NTM: variants seen among roughly 807,000 people sequenced by gnomAD.
NTM encodes the protein IgLON family member 2.
Under a neutral mutation model 42.1 loss-of-function variants are expected in NTM, and 13 were observed. The observed-to-expected ratio is 0.31, with a 90% CI of 0.20 to 0.49. The LOEUF (loss-of-function observed/expected upper bound fraction) is 0.49, where lower values mean the gene tolerates loss of function less well. Ranked by LOEUF, NTM falls within the 20% of genes least tolerant of loss-of-function variation. The pLI, the probability that NTM is intolerant of heterozygous loss-of-function variation, is 0.99. For missense variants in NTM, 373 were observed against 452.8 expected (o/e 0.82, Z 1.60); for synonymous variants, 187 against 179.2 (o/e 1.04, Z -0.35).
At chr11:132,297,359 G>A (rs562903672) in intron 4 of NTM, among the ~76,000 whole-genome samples, 12 of 152,268 alleles carry the variant, frequency 7.9e-5, no homozygotes, top group African/African-American at 2.6e-4. Flanking sequence ...GAAAGCCTGC[G>A]TTTTGCTCTG....
At chr11:131,721,063 A>C (rs1173380338) in intron 1 of NTM, among the ~76,000 whole-genome samples, 2 of 152,152 alleles carry the variant, frequency 1.3e-5, no homozygotes, top group Non-Finnish European at 2.9e-5. Flanking sequence ...ACATTAAATC[A>C]ATGATTTTAG....
intron 2 of NTM, among the ~76,000 whole-genome samples, chr11:132,059,881 C>G (rs1389337599): frequency 6.6e-6 from 1 of 152,192 alleles, no homozygotes; most frequent in Non-Finnish European, 1.5e-5. Context: ...ACACACCAAG[C>G]TACACAGTGC....
At chr11:131,997,360 T>A (rs978614824) in intron 2 of NTM, among the ~76,000 whole-genome samples, 1 of 152,192 alleles carries the variant, frequency 6.6e-6, no homozygotes, top group Non-Finnish European at 1.5e-5. Flanking sequence ...TGACTCTGGC[T>A]TTTTCTGGGT....
At position 132,044,329 on chromosome 11, in the gene NTM, A is replaced by G. The variant is rs572209641; in HGVS notation, c.168-101953A>G. On this transcript the variant is annotated intron_variant, in intron 2 of 8. Transcript: ENST00000683400. ...CCTGTGTGACTCTTTCTTTCATGCA[A>G]ATATAAGGCATTTGTATGTTACGGC... Among the ~76,000 whole-genome samples, 22 of 152,292 alleles carry G rather than the reference A, an allele frequency of 1.4e-4. No homozygotes were observed. In the South Asian group the frequency reaches 4.4e-3, roughly 30 times the overall value.
chr11:131,837,613 G>C (rs1347724370), intron 1 of NTM, among the ~76,000 whole-genome samples: 1 of 152,152 alleles, frequency 6.6e-6, no homozygotes. Context: ...TGGCCTGGGT[G>C]GTCCCGGATC....
At chr11:132,021,793 T>A (rs1257927587) in intron 2 of NTM, among the ~76,000 whole-genome samples, 1 of 152,220 alleles carries the variant, frequency 6.6e-6, no homozygotes, top group Non-Finnish European at 1.5e-5. Context: ...TAGATTTGTG[T>A]ATGGGTAGTG....
At chr11:131,571,534 C>T (rs910935180) in intron 1 of NTM, among the ~76,000 whole-genome samples, 4 of 152,154 alleles carry the variant, frequency 2.6e-5, no homozygotes, top group Non-Finnish European at 2.9e-5. Flanking sequence ...GAGGAAAGCT[C>T]CATTATTAGT....
intron 2 of NTM, among the ~76,000 whole-genome samples, chr11:132,075,844 A>G (rs192108043): frequency 6.6e-6 from 1 of 152,346 alleles, no homozygotes; most frequent in African/African-American, 2.4e-5. Context: ...AGTACAGTAA[A>G]GGTCTTAATC....
At chr11:131,796,072 C>G (rs763343784) in intron 1 of NTM, 5 of 985,362 alleles carry the variant, frequency 5.1e-6, no homozygotes, top group Non-Finnish European at 6.0e-6. Flanking sequence ...AACAGGAAAG[C>G]GTAACTCACA....
chr11:131,806,595 G>A (rs1382339151), intron 1 of NTM, among the ~76,000 whole-genome samples: 1 of 152,064 alleles, frequency 6.6e-6, no homozygotes, highest in Admixed American at 6.6e-5. Flanking sequence ...ATTTTAGATG[G>A]GGTAATGAGG....
chr11:131,911,618 C>G lies in NTM; in HGVS notation c.137C>G (p.Thr46Arg). The change falls in exon 2 of 9, where the codon ACG becomes AGG. Residue 46 changes from threonine (T) to arginine (R), a missense_variant. Thr to Arg is a moderately conservative substitution (Grantham distance 71). Coordinates refer to ENST00000683400, the MANE Select transcript of NTM (RefSeq NM_001352005.2). ...ATFPKAMDNV[T>R]VRQGESATLR... Reference sequence around the variant, plus strand: ...TTCCCCAAAGCTATGGACAACGTGACGGTCCGGCAGGGGGAGAGCGCCACC... The same window carrying G: ...TTCCCCAAAGCTATGGACAACGTGAGGGTCCGGCAGGGGGAGAGCGCCACC... 6.2e-7 allele frequency: 1 copy of G among 1,614,162 alleles called. No homozygotes were observed. The highest frequency in any genetic ancestry group is 8.5e-7 in the Non-Finnish European group (1 of 1,180,026).
chr11:132,257,978 C>T (rs1054890804), intron 4 of NTM, among the ~76,000 whole-genome samples: 9 of 152,192 alleles, frequency 5.9e-5, no homozygotes, highest in Non-Finnish European at 1.2e-4. Context: ...AGCTGCAGAG[C>T]CTTCCCCACC....
At chr11:132,323,740 C>A (rs2095620319) in intron 7 of NTM, among the ~76,000 whole-genome samples, 1 of 152,144 alleles carries the variant, frequency 6.6e-6, no homozygotes, top group Non-Finnish European at 1.5e-5. Flanking sequence ...GAATTTTAGA[C>A]CAATATCCTT....
chr11:131,898,144 T>C (rs2052589678), intron 1 of NTM, among the ~76,000 whole-genome samples: 1 of 152,230 alleles, frequency 6.6e-6, no homozygotes, highest in South Asian at 2.1e-4. Context: ...AAGAGCAGAA[T>C]GACTGTGCTC....
chr11:131,630,105 C>T (rs1399781880), intron 1 of NTM, among the ~76,000 whole-genome samples: 1 of 152,130 alleles, frequency 6.6e-6, no homozygotes, highest in East Asian at 1.9e-4. Flanking sequence ...TCCCACACAA[C>T]CCTCCTGCTA....
At chr11:131,795,142 T>G (rs2091416974) in intron 1 of NTM, 3 of 422,874 alleles carry the variant, frequency 7.1e-6, no homozygotes, top group South Asian at 9.8e-5. Context: ...AAAGTATGCA[T>G]CTCAATCGCT....
intron 3 of NTM, among the ~76,000 whole-genome samples, chr11:132,210,118 T>G (rs1006768684): frequency 1.3e-5 from 2 of 152,196 alleles, no homozygotes; most frequent in African/African-American, 4.8e-5. Context: ...AAAGTCATCG[T>G]GCAGCTTCCC....
intron 1 of NTM, among the ~76,000 whole-genome samples, chr11:131,389,122 C>T (rs1379620922): frequency 6.6e-6 from 1 of 152,114 alleles, no homozygotes; most frequent in Non-Finnish European, 1.5e-5. Flanking sequence ...AACTGAGCAC[C>T]TATTATGGGC....
chr11:131,415,202 T>TA (rs1203102593), intron 1 of NTM, among the ~76,000 whole-genome samples: 1 of 152,162 alleles, frequency 6.6e-6, no homozygotes, highest in African/African-American at 2.4e-5. Context: ...GTTTTGAACT[T>TA]AAAAAATTAG....
Sources: gnomAD v4.1 joint callset for allele counts (sites outside exome capture counted in the v4.1 genomes callset) on GRCh38, gnomAD v4.1.1 for gene constraint, MANE v1.5 for transcripts, NCBI Gene and HGNC (gene_info 2026-07-23, HGNC 2026-07-21) for gene names.